CPA3: variants seen among roughly 807,000 people sequenced by gnomAD.
The protein encoded by CPA3 is mast cell carboxypeptidase A.
Under a neutral mutation model 55.8 loss-of-function variants are expected in CPA3, and 52 were observed. The ratio of observed to expected loss-of-function variants is 0.93; its 90% CI spans 0.75 to 1.17. The LOEUF (loss-of-function observed/expected upper bound fraction) is 1.17. Among genes scored for constraint, CPA3 ranks in the 50% most tolerant of loss-of-function variants. The pLI is 0.00. For missense variants in CPA3, 547 were observed against 509.1 expected, an observed-to-expected ratio of 1.07 and a Z score of -0.72; for synonymous variants, 179 against 171.2, an observed-to-expected ratio of 1.05 and a Z score of -0.36.
chr3:148,878,565 CT>C (rs771611187), intron 4 of CPA3, 22 bp downstream of exon 4: 33 of 1,579,098 alleles, frequency 2.1e-5, no homozygotes, highest in Non-Finnish European at 2.4e-5. Context: ...AATGCCTGTA[CT>C]TTTTTTTAAG....
At chr3:148,868,869 T>C in intron 2 of CPA3, 46 bp from the exon 3 acceptor site, 1 of 1,596,424 alleles carries the variant, frequency 6.3e-7, no homozygotes, top group Non-Finnish European at 8.5e-7. Flanking sequence ...CAATAAGTGT[T>C]GGGTAAGCAA....
At chr3:148,882,155 A>G (rs1359359293) in intron 7 of CPA3, among the ~76,000 whole-genome samples, 8 of 152,222 alleles carry the variant, frequency 5.3e-5, no homozygotes, top group Admixed American at 5.2e-4. Flanking sequence ...TTTGACCTGC[A>G]TTATATCTGA....
chr3:148,890,086 T>C (rs925692843), intron 10 of CPA3, among the ~76,000 whole-genome samples: 7 of 152,018 alleles, frequency 4.6e-5, no homozygotes, highest in African/African-American at 1.4e-4. Flanking sequence ...GATACAGAAA[T>C]ATTTCATCAC....
At chr3:148,869,814 G>A (rs183278583) in intron 3 of CPA3, 11 of 152,354 alleles carry the variant, frequency 7.2e-5, no homozygotes, top group African/African-American at 2.6e-4. Flanking sequence ...AAATGTGTTG[G>A]CCATGCGCAG....
intron 2 of CPA3, among the ~76,000 whole-genome samples, chr3:148,867,132 C>A (rs992534056): frequency 6.6e-6 from 1 of 152,152 alleles, no homozygotes; most frequent in Non-Finnish European, 1.5e-5. Flanking sequence ...TCTTCAATAT[C>A]CTGCTCCTCC....
chr3:148,887,461 G>C (rs762996599), intron 10 of CPA3, among the ~76,000 whole-genome samples: 6 of 152,126 alleles, frequency 3.9e-5, no homozygotes, highest in Non-Finnish European at 7.4e-5. Flanking sequence ...GGCGAAGCTG[G>C]AACTCAATCT....
chr3:148,877,539 G>A (rs986617191), intron 3 of CPA3, among the ~76,000 whole-genome samples: 1 of 151,816 alleles, frequency 6.6e-6, no homozygotes, highest in Non-Finnish European at 1.5e-5. Context: ...GGAAGATAAG[G>A]TGTAAGCCGT....
At chr3:148,889,641 G>C (rs1199215936) in intron 10 of CPA3, among the ~76,000 whole-genome samples, 2 of 152,148 alleles carry the variant, frequency 1.3e-5, no homozygotes, top group East Asian at 1.9e-4. Context: ...GGAGGCTGAG[G>C]AGGGCGGATC....
intron 9 of CPA3, among the ~76,000 whole-genome samples, chr3:148,884,775 G>C (rs893210616): frequency 4.0e-5 from 6 of 151,318 alleles, no homozygotes; most frequent in Non-Finnish European, 8.8e-5. Flanking sequence ...ATCTGAGGGC[G>C]TGAGTTCAAT....
intron 3 of CPA3, among the ~76,000 whole-genome samples, chr3:148,874,984 A>G (rs751531238): frequency 1.3e-5 from 2 of 152,154 alleles, no homozygotes; most frequent in Non-Finnish European, 2.9e-5. Context: ...CATCCTCACC[A>G]CAAGCCTGGT....
At position 148,878,764 on chromosome 3, in the gene CPA3, G is replaced by C. The variant is rs763383662; in HGVS notation, c.474+16G>C. The C allele has an allele frequency of 2.8e-6, 4 of 1,408,128 alleles. No homozygotes were observed. The highest frequency in any genetic ancestry group is 4.0e-6 in the Non-Finnish European group (4 of 1,008,130). 87.2% of individuals were successfully genotyped at this position (1,408,128 alleles called of 1,614,324 possible). A position where few individuals can be genotyped will look rare whatever the true frequency, so the allele number is the denominator to read the frequency against. Reference sequence around the variant, plus strand: ...TGTTCTGAAGGTAAAAATAACTCAAGAACCACTAATTCTTATTACTGTTGA... The same window carrying C: ...TGTTCTGAAGGTAAAAATAACTCAACAACCACTAATTCTTATTACTGTTGA... On this transcript the variant is annotated intron_variant, in intron 5 of 10. Coordinates refer to ENST00000296046, the MANE Select transcript of CPA3 (RefSeq NM_001870.4).
chr3:148,869,895 C>G (rs1458936846), intron 3 of CPA3: 1 of 152,184 alleles, frequency 6.6e-6, no homozygotes, highest in Admixed American at 6.6e-5. Context: ...GAGTTAGAGA[C>G]CAGCCTGGCC....
chr3:148,896,403 C>T (rs1714829753), intron 10 of CPA3, 117 bp from the exon 11 acceptor site: 1 of 765,360 alleles, frequency 1.3e-6, no homozygotes, highest in Admixed American at 2.7e-5. Flanking sequence ...TCATTCATTA[C>T]TGCAATTAAC....
At chr3:148,875,240 G>GA (rs970187785) in intron 3 of CPA3, among the ~76,000 whole-genome samples, 95 of 150,184 alleles carry the variant, frequency 6.3e-4, no homozygotes, top group Non-Finnish European at 1.2e-3. Context: ...GCTAACAGCA[G>GA]AAAAAAAAAT....
At position 148,869,665 on chromosome 3, in the gene CPA3, C is replaced by T. The variant is rs118017097; in HGVS notation, c.269+626C>T. ...GCCAAAGATGCAGAAATGAGTCATTCTGGCCCCACAGAGAAGTAAGAGAAA... is the reference window on the plus strand; with the variant it reads ...GCCAAAGATGCAGAAATGAGTCATTTTGGCCCCACAGAGAAGTAAGAGAAA... On this transcript the variant is annotated intron_variant, in intron 3 of 10. Coordinates refer to ENST00000296046, the MANE Select transcript of CPA3 (RefSeq NM_001870.4). Among the ~76,000 whole-genome samples the T allele has an allele frequency of 6.9e-3, 1,048 of 152,304 alleles. 32 individuals are homozygous for T. Among genetic ancestry groups the T allele is most frequent in the Admixed American group, 0.047 (721 of 15,298 alleles).
At chr3:148,872,843 C>A (rs1306334627) in intron 3 of CPA3, among the ~76,000 whole-genome samples, 2 of 152,156 alleles carry the variant, frequency 1.3e-5, no homozygotes, top group Non-Finnish European at 2.9e-5. Context: ...GCAACGCTGT[C>A]TGGGTCCAGT....
rs1448751453 is a variant in CPA3 at position 148,896,535 on chromosome 3, C to A, written c.1082C>A (p.Ser361Tyr). 4 of 1,510,236 alleles carry A rather than the reference C, an allele frequency of 2.6e-6. No individual in the cohort carries two copies. The highest frequency in any genetic ancestry group is 3.6e-6 in the Non-Finnish European group (4 of 1,108,794). The allele number at this position is 1,510,236 out of a possible 1,614,324, so 93.6% of individuals were successfully genotyped here. ...IESTIYPISG[S>Y]SLDWAYDLGI... ...TGTTTTACAGACCCGATATCAGGTT[C>A]TTCTTTAGACTGGGCTTATGACCTG... The change falls in exon 11 of 11, where the codon TCT becomes TAT. Residue 361 changes from serine to tyrosine, a missense_variant. Physicochemically the swap from Ser to Tyr is moderately radical, Grantham distance 144. Transcript: ENST00000296046.
chr3:148,896,695 G>A lies in CPA3; in HGVS notation c.1242G>A (p.Lys414=), dbSNP rs1178083087. 6.6e-7 allele frequency: 1 copy of A among 1,525,142 alleles called. No individual in the cohort carries two copies. Among genetic ancestry groups the A allele is most frequent in the South Asian group, 1.3e-5 (1 of 79,274 alleles). 94.5% of individuals were successfully genotyped at this position (1,525,142 alleles called of 1,614,324 possible). ...AATTTATTGCCAAGTATATCCTCAA[G>A]CATACTTCCTAAAGAACTGCCCTCT... ...AVKFIAKYIL[K]HTS is the part of the protein sequence containing the mutation. The change falls in exon 11 of 11, where the codon AAG becomes AAA. Residue 414 remains lysine, a synonymous_variant. Coordinates refer to ENST00000296046, the MANE Select transcript of CPA3 (RefSeq NM_001870.4).
intron 6 of CPA3, among the ~76,000 whole-genome samples, chr3:148,881,184 G>A (rs1274743614): frequency 2.6e-5 from 4 of 152,094 alleles, no homozygotes; most frequent in African/African-American, 9.7e-5. Flanking sequence ...AGATGTGAGA[G>A]AATCAATTAA....
Sources: allele counts gnomAD v4.1 joint callset (sites outside exome capture counted in the v4.1 genomes callset), GRCh38; gene constraint gnomAD v4.1.1; transcripts MANE v1.5; gene names NCBI Gene and HGNC (gene_info 2026-07-23, HGNC 2026-07-21).